The following DYSF variants were observed in gnomAD, a reference collection of about 807,000 sequenced individuals.
DYSF encodes dysferlin.
A neutral mutation model predicts 274.9 loss-of-function variants in DYSF; 212 were observed. The ratio of observed to expected loss-of-function variants is 0.77; its 90% CI spans 0.69 to 0.86. DYSF has a LOEUF of 0.86. Among genes scored for constraint, DYSF ranks in the 40% least tolerant of loss-of-function variants. The probability of loss-of-function intolerance (pLI) is 0.00; values close to 1 mark genes in which losing one functional copy is unlikely to be tolerated. For missense variants in DYSF, 2,666 were observed against 2,783.2 expected, an observed-to-expected ratio of 0.96 and a Z score of 0.95; for synonymous variants, 1,091 against 1,078.7, an observed-to-expected ratio of 1.01 and a Z score of -0.22.
chr2:71,577,912 T>A (rs532486903), intron 30 of DYSF, among the ~76,000 whole-genome samples: 1 of 152,306 alleles, frequency 6.6e-6, no homozygotes, highest in African/African-American at 2.4e-5. Context: ...GGGTCCCTGA[T>A]GCCTGGTGAT....
intron 1 of DYSF, among the ~76,000 whole-genome samples, chr2:71,469,280 T>G (rs2081787681): frequency 6.6e-6 from 1 of 152,128 alleles, no homozygotes; most frequent in Admixed American, 6.5e-5. Context: ...ACAGAGCATG[T>G]AGGCTGGGGG....
chr2:71,644,104 G>T (rs367942476), intron 42 of DYSF, 41 bp downstream of exon 42: 2 of 1,514,294 alleles, frequency 1.3e-6, no homozygotes, highest in Non-Finnish European at 1.8e-6. Context: ...GTGTGTGTGC[G>T]TACTGGGCAG....
intron 13 of DYSF, among the ~76,000 whole-genome samples, chr2:71,527,293 C>T: frequency 6.6e-6 from 1 of 152,198 alleles, no homozygotes; most frequent in South Asian, 2.1e-4. Context: ...AGAAGGTTTG[C>T]AACTTGGGTC....
rs958844578 is a variant in DYSF, at chr2:71,553,020, A to G, written c.1816A>G (p.Arg606Gly). 8.1e-6 allele frequency: 13 copies of G among 1,614,104 alleles called. No individual in the cohort carries two copies. The highest frequency in any genetic ancestry group is 1.0e-5 in the Non-Finnish European group (12 of 1,180,026). ...TACTCTCTGCTCTCAGAAGTACCTT[A>G]GGAGGCGCAAGTACTCCCTGTTTGC... ...DDILRVEKYL[R>G]RRKYSLFAAF... is the part of the protein sequence containing the mutation. The change falls in exon 20 of 56, where the codon AGG becomes GGG. Residue 606 changes from arginine (R) to glycine (G), a missense_variant. By Grantham distance (125) the Arg-to-Gly change is moderately radical. Around this residue, in one of 3 missense-constraint regions of DYSF, gnomAD observed 412 missense variants for 504.0 expected, o/e 0.82. Transcript: ENST00000410020.
chr2:71,494,764 A>G (rs918726139), intron 3 of DYSF, among the ~76,000 whole-genome samples: 5 of 152,202 alleles, frequency 3.3e-5, no homozygotes, highest in African/African-American at 1.2e-4. Flanking sequence ...TGGGTGTCTC[A>G]TCTCTTCCAT....
At chr2:71,493,745 G>A (rs533025810) in intron 3 of DYSF, among the ~76,000 whole-genome samples, 10 of 151,508 alleles carry the variant, frequency 6.6e-5, no homozygotes, top group Non-Finnish European at 1.2e-4. Flanking sequence ...CCAGCTACCC[G>A]GGAGGCTGAG....
chr2:71,616,938 G>A (rs902826257), intron 40 of DYSF, among the ~76,000 whole-genome samples: 14 of 152,036 alleles, frequency 9.2e-5, no homozygotes, highest in Admixed American at 7.2e-4. Context: ...TATTAAGGCA[G>A]TTCTTGGTGT....
At chr2:71,685,689 C>T (rs979570960) in intron 55 of DYSF, among the ~76,000 whole-genome samples, 8 of 152,216 alleles carry the variant, frequency 5.3e-5, no homozygotes, top group African/African-American at 1.9e-4. Context: ...CCCCTCAGAG[C>T]CAGCCGGGAG....
At chr2:71,574,863 G>A (rs1047638521) in intron 30 of DYSF, among the ~76,000 whole-genome samples, 2 of 152,168 alleles carry the variant, frequency 1.3e-5, no homozygotes, top group South Asian at 2.1e-4. Context: ...CCCAGGGTGC[G>A]CTTTCTGTAG....
At chr2:71,625,609 G>A (rs537591866) in intron 41 of DYSF, among the ~76,000 whole-genome samples, 63 of 152,130 alleles carry the variant, frequency 4.1e-4, no homozygotes, top group Non-Finnish European at 5.6e-4. Context: ...GAAGTACTTT[G>A]TTCATTTTCA....
At chr2:71,477,710 A>G (rs1005817068) in intron 1 of DYSF, among the ~76,000 whole-genome samples, 1 of 152,246 alleles carries the variant, frequency 6.6e-6, no homozygotes, top group Non-Finnish European at 1.5e-5. Flanking sequence ...TGCAAGATAG[A>G]ACAATGAATT....
chr2:71,470,280 C>T (rs781718195), intron 1 of DYSF, among the ~76,000 whole-genome samples: 14 of 152,140 alleles, frequency 9.2e-5, no homozygotes, highest in South Asian at 2.1e-4. Context: ...GGATTCCTGT[C>T]GTCAGGGAAC....
intron 21 of DYSF, among the ~76,000 whole-genome samples, chr2:71,554,528 G>A (rs1411827898): frequency 2.0e-5 from 3 of 152,122 alleles, no homozygotes; most frequent in Non-Finnish European, 2.9e-5. Flanking sequence ...TCCAGTGCAA[G>A]GAGATGGGGG....
intron 16 of DYSF, among the ~76,000 whole-genome samples, chr2:71,538,947 C>T (rs1352821735): frequency 6.6e-6 from 1 of 152,164 alleles, no homozygotes; most frequent in East Asian, 1.9e-4. Context: ...AACTAGTTCC[C>T]TCTCAGAGAG....
intron 4 of DYSF, among the ~76,000 whole-genome samples, chr2:71,503,798 T>C (rs528144234): frequency 1.3e-5 from 2 of 152,226 alleles, no homozygotes; most frequent in South Asian, 4.2e-4. Flanking sequence ...TCCGTTGTTC[T>C]TCCTGCCCCT....
At chr2:71,512,527 C>T (rs1395180617) in intron 5 of DYSF, among the ~76,000 whole-genome samples, 1 of 152,200 alleles carries the variant, frequency 6.6e-6, no homozygotes, top group Admixed American at 6.5e-5. Context: ...TGTCTCAGCT[C>T]TCTTCACTTG....
intron 45 of DYSF, among the ~76,000 whole-genome samples, chr2:71,663,045 G>GTGTGTGTATGTCTGTGTC (rs2094928822): frequency 1.4e-5 from 2 of 143,216 alleles, no homozygotes; most frequent in African/African-American, 2.6e-5. Flanking sequence ...GTGTGTGCGC[G>GTGTGTGTATGTCTGTGTC]CACGCGCGTG....
chr2:71,656,361 A>C (rs1572995676), intron 43 of DYSF, 71 bp downstream of exon 43: 1 of 1,601,670 alleles, frequency 6.2e-7, no homozygotes, highest in Non-Finnish European at 8.5e-7. Flanking sequence ...AGTGAAGGGG[A>C]GGGGTCGTAC....
At chr2:71,629,742 T>C (rs1490949445) in intron 41 of DYSF, among the ~76,000 whole-genome samples, 1 of 152,238 alleles carries the variant, frequency 6.6e-6, no homozygotes, top group Non-Finnish European at 1.5e-5. Flanking sequence ...AGCTCAGCCA[T>C]GCATTTAAAA....
Sources: gnomAD v4.1 joint callset for allele counts (sites outside exome capture counted in the v4.1 genomes callset) on GRCh38, gnomAD v4.1.1 for gene constraint, gnomAD v4.1.1 regional missense constraint, MANE v1.5 for transcripts, NCBI Gene and HGNC (gene_info 2026-07-23, HGNC 2026-07-21) for gene names.